Variants in NEBL observed in about 807,000 individuals in gnomAD.
NEBL encodes the protein LIM and SH3 protein 2.
In NEBL, 122 loss-of-function variants were observed where a neutral mutation model predicts 140.2. The observed-to-expected ratio is 0.87, with a 90% CI of 0.75 to 1.01. The LOEUF (loss-of-function observed/expected upper bound fraction) is 1.01, where lower values mean the gene tolerates loss of function less well. Among genes scored for constraint, NEBL ranks in the 50% least tolerant of loss-of-function variants. The probability of loss-of-function intolerance (pLI) is 0.00; values close to 1 mark genes in which losing one functional copy is unlikely to be tolerated. For missense variants in NEBL, 1,365 were observed against 1,231.3 expected, an observed-to-expected ratio of 1.11 and a Z score of -1.62; for synonymous variants, 436 against 398.9, an observed-to-expected ratio of 1.09 and a Z score of -1.11.
chr10:21,290,833 T>C (rs1036032490), intron 1 of NEBL, among the ~76,000 whole-genome samples: 2 of 152,194 alleles, frequency 1.3e-5, no homozygotes, highest in African/African-American at 4.8e-5. Context: ...ATGAAGAGTA[T>C]ATTTAGGCCT....
chr10:21,121,434 A>G (rs985982958), intron 2 of NEBL, among the ~76,000 whole-genome samples: 3 of 152,192 alleles, frequency 2.0e-5, no homozygotes, highest in African/African-American at 7.2e-5. Flanking sequence ...CAACAATCAC[A>G]GTATAATTCA....
chr10:21,124,831 T>G (rs1185253990), intron 2 of NEBL, among the ~76,000 whole-genome samples: 4 of 152,266 alleles, frequency 2.6e-5, no homozygotes, highest in African/African-American at 9.6e-5. Context: ...CATGGTGCCA[T>G]GCACCTGTAG....
chr10:21,127,854 T>TAAAAC (rs1479024401), intron 2 of NEBL, among the ~76,000 whole-genome samples: 14 of 152,126 alleles, frequency 9.2e-5, no homozygotes, highest in Admixed American at 9.2e-4. Flanking sequence ...GAGCAACTAC[T>TAAAAC]AAAACAAAAC....
At chr10:20,826,787 G>A (rs1839922106) in intron 17 of NEBL, among the ~76,000 whole-genome samples, 1 of 152,154 alleles carries the variant, frequency 6.6e-6, no homozygotes. Context: ...ATGGCTGACT[G>A]CAGATTATTT....
chr10:20,934,534 C>T (rs1834373691), intron 4 of NEBL, among the ~76,000 whole-genome samples: 1 of 152,112 alleles, frequency 6.6e-6, no homozygotes, highest in African/African-American at 2.4e-5. Flanking sequence ...CCAGACTGAA[C>T]CTGAAACCCG....
At chr10:21,235,982 G>GTC (rs1461567172) in intron 3 of NEBL, among the ~76,000 whole-genome samples, 1 of 152,192 alleles carries the variant, frequency 6.6e-6, no homozygotes, top group Non-Finnish European at 1.5e-5. Context: ...ATGTTGCACA[G>GTC]TCTTATGGCC....
chr10:20,861,986 G>C (rs1369160505), intron 7 of NEBL, among the ~76,000 whole-genome samples: 1 of 152,130 alleles, frequency 6.6e-6, no homozygotes, highest in African/African-American at 2.4e-5. Context: ...TTAGCCTATA[G>C]CTAGGCAAAA....
chr10:20,798,412 G>C (rs1836784350), intron 26 of NEBL, among the ~76,000 whole-genome samples: 1 of 152,198 alleles, frequency 6.6e-6, no homozygotes, highest in Non-Finnish European at 1.5e-5. Context: ...AGGGAAATTT[G>C]TGACTGTGGA....
At chr10:20,885,783 G>A (rs1020150327) in intron 4 of NEBL, among the ~76,000 whole-genome samples, 3 of 152,130 alleles carry the variant, frequency 2.0e-5, no homozygotes, top group African/African-American at 7.2e-5. Context: ...GTAATTATCT[G>A]CTTTTTAAAG....
chr10:20,954,493 T>C (rs1835685355), intron 4 of NEBL, among the ~76,000 whole-genome samples: 2 of 152,132 alleles, frequency 1.3e-5, no homozygotes, highest in Admixed American at 6.5e-5. Flanking sequence ...TTGCAGGACT[T>C]TTCCTTAGTT....
chr10:21,133,092 G>A (rs75779565), intron 2 of NEBL, among the ~76,000 whole-genome samples: 2,151 of 152,228 alleles, frequency 0.014, 48 homozygotes, highest in African/African-American at 0.049. Flanking sequence ...CTCTTAGAGT[G>A]TTTTAGCTTT....
intron 2 of NEBL, among the ~76,000 whole-genome samples, chr10:21,104,821 TTCTG>T (rs1837636285): frequency 6.6e-6 from 1 of 152,208 alleles, no homozygotes; most frequent in South Asian, 2.1e-4. Context: ...GGGGAAAACT[TTCTG>T]TCTTTCACCA....
At chr10:21,018,944 G>A (rs996951921) in intron 3 of NEBL, among the ~76,000 whole-genome samples, 2 of 152,262 alleles carry the variant, frequency 1.3e-5, no homozygotes, top group Non-Finnish European at 1.5e-5. Flanking sequence ...AGAGAACTGC[G>A]TGAAGCCGGG....
Position 21,088,857 on chromosome 10 carries a change from T to G in NEBL, c.165-68656A>C, listed in dbSNP as rs139567419. ...AGTCAGAGAGTCCAAGCTTCAGGGTTAAGGGAAGTCTTTCTAGAAGAGCTG... is the reference window on the plus strand; with the variant it reads ...AGTCAGAGAGTCCAAGCTTCAGGGTGAAGGGAAGTCTTTCTAGAAGAGCTG... On this transcript the variant is annotated intron_variant, in intron 2 of 6. Transcript: ENST00000417816. Among the ~76,000 whole-genome samples the G allele has an allele frequency of 1.5e-3, 222 of 152,306 alleles. 1 individual carries two copies. The highest frequency in any genetic ancestry group is 5.2e-3 in the African/African-American group (217 of 41,570).
chr10:21,241,201 A>G (rs1842434128), intron 3 of NEBL, among the ~76,000 whole-genome samples: 1 of 151,888 alleles, frequency 6.6e-6, no homozygotes, highest in Non-Finnish European at 1.5e-5. Context: ...ACATGGAATG[A>G]GCTCCTTCAC....
chr10:20,866,470 C>T (rs1480241375), intron 7 of NEBL, among the ~76,000 whole-genome samples: 2 of 152,262 alleles, frequency 1.3e-5, no homozygotes, highest in African/African-American at 4.8e-5. Flanking sequence ...GGCTTATACT[C>T]AAAATCAATA....
rs1432386195 is a variant in NEBL, at chr10:21,173,935, G to A, written c.-102C>T. 2.1e-6 allele frequency: 3 copies of A among 1,403,652 alleles called. No homozygotes were observed. Among genetic ancestry groups the A allele is most frequent in the African/African-American group, 1.5e-5 (1 of 65,554 alleles). 86.9% of individuals were successfully genotyped at this position (1,403,652 alleles called of 1,614,324 possible). A position where few individuals can be genotyped will look rare whatever the true frequency, so the allele number is the denominator to read the frequency against. On this transcript the variant is annotated 5_prime_UTR_variant, in exon 1 of 7. Coordinates refer to the NEBL transcript ENST00000417816. This position sits in a 1 kb window ranked among gnomAD's most constrained non-coding sequence, Gnocchi z 5.7. Reference sequence around the variant, plus strand: ...CGCACCGCCTCCTGGCAGGCGGGAGGGCTGCGGGCGGCGGGCGCCGGGTAG... The same window carrying A: ...CGCACCGCCTCCTGGCAGGCGGGAGAGCTGCGGGCGGCGGGCGCCGGGTAG...
Position 21,250,775 on chromosome 10 carries a change from C to T in NEBL, n.279+957G>A, listed in dbSNP as rs146674159. Among the ~76,000 whole-genome samples, 1,047 of 152,096 alleles carry T rather than the reference C, an allele frequency of 6.9e-3. 13 individuals are homozygous for T. Among genetic ancestry groups the T allele is most frequent in the African/African-American group, 0.024 (977 of 41,504 alleles). On this transcript the variant is annotated intron_variant and non_coding_transcript_variant, in intron 2 of 8. Transcript: ENST00000675702. ...AAAATACAAAAAAAAATTAGCCAGG[C>T]ATGGTGGTAGGCAACTGTGAGGCAG...
chr10:20,983,452 G>C (rs1417735492), intron 3 of NEBL, among the ~76,000 whole-genome samples: 2 of 152,160 alleles, frequency 1.3e-5, no homozygotes, highest in African/African-American at 4.8e-5. Flanking sequence ...GGAGTTTTCT[G>C]ATTAATCTTT....
Sources: allele counts gnomAD v4.1 joint callset (sites outside exome capture counted in the v4.1 genomes callset), GRCh38; gene constraint gnomAD v4.1.1; non-coding constraint Gnocchi (gnomAD v3.1); transcripts MANE v1.5; gene names NCBI Gene and HGNC (gene_info 2026-07-23, HGNC 2026-07-21).